Variants in TSGA10IP observed in about 807,000 individuals in gnomAD.
TSGA10IP encodes the protein testis-specific protein 10-interacting protein.
Under a neutral mutation model 63.2 loss-of-function variants are expected in TSGA10IP, and 64 were observed. The ratio of observed to expected loss-of-function variants is 1.01; its 90% CI spans 0.83 to 1.25. TSGA10IP has a LOEUF of 1.25. Ranked by LOEUF, TSGA10IP falls within the 50% of genes most tolerant of loss-of-function variation. The pLI is 0.00. For synonymous variants in TSGA10IP, 316 were observed against 298.3 expected, an observed-to-expected ratio of 1.06 and a Z score of -0.61; for missense variants, 681 against 710.1, an observed-to-expected ratio of 0.96 and a Z score of 0.47.
rs140431543 is a variant in TSGA10IP, at chr11:65,959,646, A to G, written c.1548-171A>G. On this transcript the variant is annotated intron_variant, in intron 7 of 7. Transcript: ENST00000532620. ...TAGAATAACCTGGTACAGAGCAGCG[A>G]TTATGAAGCCCACTTGACAATAAGG... Among the ~76,000 whole-genome samples the G allele has an allele frequency of 1.7e-3, 258 of 152,330 alleles. 4 individuals are homozygous for G. Among genetic ancestry groups the G allele is most frequent in the African/African-American group, 6.0e-3 (249 of 41,572 alleles).
chr11:65,958,848 A>G (rs776374406), intron 5 of TSGA10IP, 35 bp from the exon 6 acceptor site: 11 of 1,582,494 alleles, frequency 7.0e-6, no homozygotes, highest in South Asian at 1.1e-5. Flanking sequence ...AGTTGTGTCC[A>G]TGGTTAGCTG....
At chr11:65,947,902 G>C (rs1164567986) in intron 3 of TSGA10IP, 74 bp downstream of exon 3, 1 of 1,507,146 alleles carries the variant, frequency 6.6e-7, no homozygotes. Context: ...AGGGAGGCAG[G>C]GGCTCAGGCA....
chr11:65,958,975 C>T (rs1468618588), exon 6 of TSGA10IP: 1 of 1,612,982 alleles, frequency 6.2e-7, no homozygotes, highest in African/African-American at 1.3e-5. Flanking sequence ...TTCCAGCAGG[C>T]TATGCAGGTG....
intron 4 of TSGA10IP, among the ~76,000 whole-genome samples, chr11:65,951,516 A>ATTT (rs1334578107): frequency 3.4e-5 from 2 of 59,230 alleles, no homozygotes; most frequent in East Asian, 7.3e-4. Flanking sequence ...TTATTTGCTT[A>ATTT]TTTTATTATT....
chr11:65,949,563 C>T (rs571944989), intron 4 of TSGA10IP, among the ~76,000 whole-genome samples: 2 of 151,994 alleles, frequency 1.3e-5, no homozygotes, highest in South Asian at 4.1e-4. Context: ...ACTACAGGAG[C>T]CCACCACCAC....
chr11:65,954,465 C>A (rs1354292234), intron 5 of TSGA10IP, among the ~76,000 whole-genome samples: 1 of 151,886 alleles, frequency 6.6e-6, no homozygotes, highest in Non-Finnish European at 1.5e-5. Flanking sequence ...TGAGACACTG[C>A]ACCTGGCCGT....
At chr11:65,947,489 G>A in exon 3 of TSGA10IP, 3 of 1,613,418 alleles carry the variant, frequency 1.9e-6, no homozygotes, top group Non-Finnish European at 2.5e-6. Flanking sequence ...AAGCCTGGGT[G>A]CTGAGGAGGC....
rs941400260 is a variant in TSGA10IP at position 65,946,965 on chromosome 11, G to A, written c.233G>A (p.Arg78His). ...TCAAGGCAGACAGCAAAGAAGGACC[G>A]CAAGCCCAGGGGCCAGAGCAAGAAA... The change falls in exon 2 of 8, where the codon CGC (arginine) becomes CAC (histidine). Residue 78 changes from arginine to histidine, a missense_variant. Arg to His is a conservative substitution (Grantham distance 29, BLOSUM62 0). Coordinates refer to ENST00000532620, the Ensembl canonical transcript of TSGA10IP. 8.1e-6 allele frequency: 13 copies of A among 1,613,812 alleles called. No homozygotes were observed. The highest frequency in any genetic ancestry group is 5.3e-5 in the African/African-American group (4 of 74,910).
Position 65,945,738 on chromosome 11 carries a change from AC to A in TSGA10IP, c.65del (p.Pro22GlnfsTer148). ...AGTTGGTTAGGACCCCGTCGGTGCG[AC>A]CAGGGCAGGACGTGCGGCTCCAGGC... On this transcript the variant is annotated frameshift_variant, in exon 1 of 8. Coordinates refer to ENST00000532620, the Ensembl canonical transcript of TSGA10IP. LOFTEE classifies it high-confidence loss of function. 1 of 1,613,934 alleles carries A rather than the reference AC, an allele frequency of 6.2e-7. No individual in the cohort carries two copies. Among genetic ancestry groups the A allele is most frequent in the East Asian group, 2.2e-5 (1 of 44,882 alleles).
chr11:65,954,330 TA>T (rs1396097163), intron 5 of TSGA10IP, among the ~76,000 whole-genome samples: 46 of 126,250 alleles, frequency 3.6e-4, no homozygotes, highest in African/African-American at 1.1e-3. Context: ...CACGCCCGGC[TA>T]ATTTTTTTTT....
At chr11:65,952,612 C>A (rs1220556849) in intron 4 of TSGA10IP, among the ~76,000 whole-genome samples, 2 of 152,066 alleles carry the variant, frequency 1.3e-5, no homozygotes, top group East Asian at 3.8e-4. Context: ...CCATGCCTGG[C>A]TAATTTTTTG....
rs561801085 is a variant in TSGA10IP, at chr11:65,946,631, C to T, written c.148-249C>T. On this transcript the variant is annotated intron_variant, in intron 1 of 7. Coordinates refer to ENST00000532620, the Ensembl canonical transcript of TSGA10IP. ...TGTATTTTTAGTACAGATGGGGTTTCGCCATGTTGGCCAGGCTGGTCTCGA... is the reference window on the plus strand; with the variant it reads ...TGTATTTTTAGTACAGATGGGGTTTTGCCATGTTGGCCAGGCTGGTCTCGA... Among the ~76,000 whole-genome samples the T allele has an allele frequency of 2.6e-5, 4 of 152,256 alleles. No individual in the cohort carries two copies. The East Asian group carries it at 5.8e-4, about 22-fold the overall frequency.
At chr11:65,953,440 A>G (rs1854972267) in intron 4 of TSGA10IP, 127 bp from the exon 5 acceptor site, 16 of 1,299,452 alleles carry the variant, frequency 1.2e-5, no homozygotes, top group Non-Finnish European at 1.6e-5. Flanking sequence ...CCCTACTCCC[A>G]GGACACTGGC....
intron 5 of TSGA10IP, among the ~76,000 whole-genome samples, chr11:65,954,650 T>G (rs186250538): frequency 6.6e-6 from 1 of 152,106 alleles, no homozygotes; most frequent in African/African-American, 2.4e-5. Context: ...AAACCTCATC[T>G]CTACTAAAAA....
In TSGA10IP at chr11:65,957,254, G is replaced by A. The variant is rs572033148; in HGVS notation, c.1323-1629G>A. ...TAACCTCCAACTCCCCAGTTCAGACGATTCTCCTGCCTCAGCCTCCCAAGT... is the reference window on the plus strand; with the variant it reads ...TAACCTCCAACTCCCCAGTTCAGACAATTCTCCTGCCTCAGCCTCCCAAGT... On this transcript the variant is annotated intron_variant, in intron 5 of 7. Transcript: ENST00000532620. 4.4e-4 allele frequency among the ~76,000 whole-genome samples: 67 copies of A among 152,128 alleles called. 1 individual carries two copies. Among genetic ancestry groups the A allele is most frequent in the African/African-American group, 1.4e-3 (58 of 41,502 alleles).
At chr11:65,945,921 C>A in intron 1 of TSGA10IP, 99 bp downstream of exon 1, 2 of 1,420,926 alleles carry the variant, frequency 1.4e-6, no homozygotes, top group Non-Finnish European at 1.9e-6. Context: ...AAGACCTGAG[C>A]TGAGGTCCAG....
exon 8 of TSGA10IP, chr11:65,959,870 G>C: frequency 6.2e-7 from 1 of 1,605,560 alleles, no homozygotes; most frequent in East Asian, 2.2e-5. Context: ...AGGCCCCCAA[G>C]GACAGAACCC....
chr11:65,953,804 TACAGGACC>T, intron 5 of TSGA10IP, 67 bp downstream of exon 5: 1 of 1,326,118 alleles, frequency 7.5e-7, no homozygotes, highest in Admixed American at 3.2e-5. Context: ...GGTCTCAGTC[TACAGGACC>T]GAGGAGCACC....
Position 65,946,866 on chromosome 11 carries a change from C to T in TSGA10IP, c.148-14C>T, listed in dbSNP as rs568083843. On this transcript the variant is annotated splice_polypyrimidine_tract_variant and intron_variant, in intron 1 of 7. Transcript: ENST00000532620. ...GCTCAAGCTGGCTGCTCCTCCCCTACTGTCTCTGCCCAGGGCTGCCTGGGG... is the reference window on the plus strand; with the variant it reads ...GCTCAAGCTGGCTGCTCCTCCCCTATTGTCTCTGCCCAGGGCTGCCTGGGG... The T allele has an allele frequency of 1.2e-6, 2 of 1,612,774 alleles. No homozygotes were observed. Among genetic ancestry groups the T allele is most frequent in the South Asian group, 1.1e-5 (1 of 90,956 alleles).
Sources: allele counts gnomAD v4.1 joint callset (sites outside exome capture counted in the v4.1 genomes callset), GRCh38; gene constraint gnomAD v4.1.1; transcripts MANE v1.5; gene names NCBI Gene and HGNC (gene_info 2026-07-23, HGNC 2026-07-21).